The following HPSE2 variants were observed in gnomAD, a reference collection of about 807,000 sequenced individuals.
HPSE2 encodes the protein inactive heparanase-2.
In HPSE2, 38 loss-of-function variants were observed where a neutral mutation model predicts 60.5. That is an observed-to-expected ratio of 0.63 (90% CI 0.48 to 0.82). The LOEUF (loss-of-function observed/expected upper bound fraction) is 0.82, where lower values mean the gene tolerates loss of function less well. Among genes scored for constraint, HPSE2 ranks in the 40% least tolerant of loss-of-function variants. The pLI, the probability that HPSE2 is intolerant of heterozygous loss-of-function variation, is 0.00. For missense variants in HPSE2, 713 were observed against 740.4 expected, an observed-to-expected ratio of 0.96 and a Z score of 0.43; for synonymous variants, 295 against 293.2, an observed-to-expected ratio of 1.01 and a Z score of -0.06.
intron 3 of HPSE2, among the ~76,000 whole-genome samples, chr10:98,874,532 A>C (rs1266328242): frequency 6.6e-6 from 1 of 152,000 alleles, no homozygotes; most frequent in African/African-American, 2.4e-5. Flanking sequence ...GGGTTTTCTA[A>C]ATATAGAATC....
At chr10:98,945,762 T>C (rs1955162540) in intron 3 of HPSE2, among the ~76,000 whole-genome samples, 1 of 152,170 alleles carries the variant, frequency 6.6e-6, no homozygotes, top group African/African-American at 2.4e-5. Flanking sequence ...CTGCTTTCCT[T>C]ATCAAAACTC....
At chr10:99,092,880 TATA>T (rs548101244) in intron 3 of HPSE2, among the ~76,000 whole-genome samples, 21 of 152,218 alleles carry the variant, frequency 1.4e-4, no homozygotes, top group Non-Finnish European at 2.2e-4. Context: ...TCTAAAATTA[TATA>T]ATATTTGGTC....
intron 3 of HPSE2, among the ~76,000 whole-genome samples, chr10:99,096,724 G>T (rs906394266): frequency 6.6e-6 from 1 of 151,806 alleles, no homozygotes; most frequent in Non-Finnish European, 1.5e-5. Context: ...TTCCCACAGC[G>T]GGGGAAAAGC....
At chr10:98,742,788 T>TACAC (rs1321941899) in intron 4 of HPSE2, among the ~76,000 whole-genome samples, 10 of 77,140 alleles carry the variant, frequency 1.3e-4, no homozygotes, top group South Asian at 1.1e-3. Flanking sequence ...CACACACACA[T>TACAC]ACATACACAC....
chr10:98,790,440 C>T (rs1304911956), intron 3 of HPSE2, among the ~76,000 whole-genome samples: 1 of 151,946 alleles, frequency 6.6e-6, no homozygotes, highest in African/African-American at 2.4e-5. Context: ...CTAAAAAAGT[C>T]GATCTCATAG....
intron 5 of HPSE2, among the ~76,000 whole-genome samples, chr10:98,696,300 A>C (rs550672176): frequency 0.048 from 7,145 of 149,048 alleles, 543 homozygotes; most frequent in African/African-American, 0.14. Context: ...CATAAAAAAA[A>C]AAAAAAAAAA....
chr10:98,511,382 C>T (rs1942389219), intron 9 of HPSE2, among the ~76,000 whole-genome samples: 1 of 152,142 alleles, frequency 6.6e-6, no homozygotes. Context: ...GATCGCCTGA[C>T]TTCATGATCC....
intron 3 of HPSE2, among the ~76,000 whole-genome samples, chr10:99,083,674 G>A (rs1843219335): frequency 6.6e-6 from 1 of 152,158 alleles, no homozygotes; most frequent in South Asian, 2.1e-4. Context: ...GTAGAGATCA[G>A]AAATCTTGGT....
intron 7 of HPSE2, among the ~76,000 whole-genome samples, chr10:98,636,439 C>T (rs915723472): frequency 1.3e-5 from 2 of 152,022 alleles, no homozygotes; most frequent in African/African-American, 4.8e-5. Context: ...GGGGTTTCAC[C>T]ATGTTGGCCA....
chr10:98,683,427 G>C (rs1347098001), intron 6 of HPSE2, among the ~76,000 whole-genome samples: 2 of 149,948 alleles, frequency 1.3e-5, no homozygotes, highest in Non-Finnish European at 3.0e-5. Context: ...AAAGAGGAAA[G>C]AAAGAAAAAA....
chr10:99,175,770 GC>G (rs758935422), intron 2 of HPSE2, among the ~76,000 whole-genome samples: 1 of 152,204 alleles, frequency 6.6e-6, no homozygotes, highest in Non-Finnish European at 1.5e-5. Flanking sequence ...TTCGAGTTAT[GC>G]TAAGGTACAG....
chr10:99,235,652 T>A lies in HPSE2; in HGVS notation c.151A>T (p.Arg51Ter). The stretch of plus-strand genomic sequence containing the variant: ...GTCTTTTCCTTCAAACCTGCAGCTC[T>A]GTCTACAGGCAAGGGTCTCCTGTCT... The part of the protein sequence containing the change: ...AGDRRPLPVD[R>*]AAGLKEKTLI... Residue 51 changes from arginine to a stop codon, truncating the protein, a stop_gained, in exon 1 of 12, where the codon AGA becomes TGA. Transcript: ENST00000370552. LOFTEE classifies it high-confidence loss of function. 1 of 1,614,052 alleles carries A rather than the reference T, an allele frequency of 6.2e-7. No individual in the cohort carries two copies. The highest frequency in any genetic ancestry group is 2.2e-5 in the East Asian group (1 of 44,846).
intron 4 of HPSE2, among the ~76,000 whole-genome samples, chr10:98,729,279 T>C (rs1949168701): frequency 6.6e-6 from 1 of 152,084 alleles, no homozygotes; most frequent in Non-Finnish European, 1.5e-5. Flanking sequence ...GATTCAAAAA[T>C]ACAAACAGAT....
chr10:99,312,550 T>C, the HPSE2 span, among the ~76,000 whole-genome samples: 2 of 152,238 alleles, frequency 1.3e-5, no homozygotes, highest in Non-Finnish European at 2.9e-5. Flanking sequence ...AAACCCATCG[T>C]TGAGAACTAC....
chr10:98,605,733 A>AG (rs1458804746), intron 9 of HPSE2, among the ~76,000 whole-genome samples: 1 of 152,238 alleles, frequency 6.6e-6, no homozygotes, highest in Non-Finnish European at 1.5e-5. Context: ...ATAGAGCATC[A>AG]GGTGCAGGGA....
chr10:99,264,878 C>A, the HPSE2 span, among the ~76,000 whole-genome samples: 1 of 152,108 alleles, frequency 6.6e-6, no homozygotes, highest in Non-Finnish European at 1.5e-5. Flanking sequence ...CACCCCTAAT[C>A]CCACTAGAAG....
intron 3 of HPSE2, among the ~76,000 whole-genome samples, chr10:98,829,206 T>C (rs1333001851): frequency 6.6e-6 from 1 of 152,062 alleles, no homozygotes; most frequent in African/African-American, 2.4e-5. Flanking sequence ...CCTTATTGTT[T>C]AATGAATAAA....
At chr10:98,883,908 G>C (rs1953094090) in intron 3 of HPSE2, among the ~76,000 whole-genome samples, 1 of 152,098 alleles carries the variant, frequency 6.6e-6, no homozygotes, top group South Asian at 2.1e-4. Flanking sequence ...AAACAATTAA[G>C]CTTAGTGAGA....
At chr10:99,114,681 G>C (rs550213630) in intron 3 of HPSE2, among the ~76,000 whole-genome samples, 12 of 152,220 alleles carry the variant, frequency 7.9e-5, no homozygotes, top group South Asian at 4.1e-4. Context: ...TTGGGGGGCT[G>C]AGACGGGTGG....
Sources: allele counts gnomAD v4.1 joint callset (sites outside exome capture counted in the v4.1 genomes callset), GRCh38; gene constraint gnomAD v4.1.1; transcripts MANE v1.5; gene names NCBI Gene and HGNC (gene_info 2026-07-23, HGNC 2026-07-21).